The following ZNF630 variants were observed in gnomAD, a reference collection of about 807,000 sequenced individuals.
The protein encoded by ZNF630 is dJ54B20.2 (novel KRAB box containing C2H2 type zinc finger protein).
Under a neutral mutation model 7.2 loss-of-function variants are expected in ZNF630, and 5 were observed. The ratio of observed to expected loss-of-function variants is 0.70; its 90% CI spans 0.36 to 1.46. ZNF630 has a LOEUF of 1.46. Ranked by LOEUF, ZNF630 falls within the 40% of genes most tolerant of loss-of-function variation. The pLI, the probability that ZNF630 is intolerant of heterozygous loss-of-function variation, is 0.03. For missense variants in ZNF630, 461 were observed against 477.0 expected (o/e 0.97, Z 0.31); for synonymous variants, 158 against 162.8 (o/e 0.97, Z 0.23).
At chrX:48,070,911 A>C (rs1327095958) in intron 1 of ZNF630, among the ~76,000 whole-genome samples, 1 of 109,070 alleles carries the variant, frequency 9.2e-6, no homozygotes, top group Non-Finnish European at 1.9e-5. Context: ...CACTGACCCC[A>C]CACACACTCC....
At position 48,058,450 on chromosome X, in the gene ZNF630, G is replaced by A. The variant is rs782080645; in HGVS notation, c.*18C>T. 5.2e-6 allele frequency: 6 copies of A among 1,148,356 alleles called. No individual in the cohort carries two copies. The highest frequency in any genetic ancestry group is 4.3e-5 in the South Asian group (2 of 47,025). The allele number at this position is 1,148,356 out of a possible 1,213,427, so 94.6% of individuals were successfully genotyped here. The stretch of plus-strand genomic sequence containing the variant: ...ATAGACAATGAGGACTGACTTCTGG[G>A]AATAGGCCTTCCCACAATCAGCATA... On this transcript the variant is annotated 3_prime_UTR_variant, in exon 5 of 5. Transcript: ENST00000276054.
chrX:48,070,511 G>T (rs2059155192), intron 1 of ZNF630, among the ~76,000 whole-genome samples: 1 of 107,025 alleles, frequency 9.3e-6, no homozygotes, highest in Non-Finnish European at 1.9e-5. Flanking sequence ...TACTCGGGAG[G>T]CTGAGGTAGG....
chrX:48,060,934 T>A lies in ZNF630; in HGVS notation c.27A>T (p.Thr9=). The change falls in exon 3 of 5, where the codon ACA becomes ACT. Residue 9 remains threonine, a synonymous_variant. Transcript: ENST00000276054. ...TGAAGTCCACAGCCACATCCTCAAA[T>A]GTCACTGGTTCCTATAACAGCACAT... MIESQEPV[T]FEDVAVDFTQ... 2 of 1,202,195 alleles carry A rather than the reference T, an allele frequency of 1.7e-6. No individual in the cohort carries two copies. Among genetic ancestry groups the A allele is most frequent in the Non-Finnish European group, 2.2e-6 (2 of 889,470 alleles).
chrX:48,059,708 C>T lies in ZNF630; in HGVS notation c.734G>A (p.Ser245Asn), dbSNP rs782013612. The T allele has an allele frequency of 2.1e-5, 25 of 1,206,493 alleles. No individual in the cohort carries two copies. Among genetic ancestry groups the T allele is most frequent in the Non-Finnish European group, 2.7e-5 (24 of 892,923 alleles). The change falls in exon 5 of 5, where the codon AGT becomes AAT. Residue 245 changes from serine to asparagine, a missense_variant. Transcript: ENST00000276054. Reference sequence around the variant, plus strand: ...ATACTGAACATGGGCTTGCTTATGACTGAGAACTTTTTCACATTGACTATC... The same window carrying T: ...ATACTGAACATGGGCTTGCTTATGATTGAGAACTTTTTCACATTGACTATC... Reference protein sequence around the residue: ...YGDSQCEKVLSHKQAHVQYKK... With the variant: ...YGDSQCEKVLNHKQAHVQYKK...
chrX:48,069,321 C>A (rs925171599), intron 1 of ZNF630, among the ~76,000 whole-genome samples: 1 of 109,644 alleles, frequency 9.1e-6, no homozygotes, highest in Non-Finnish European at 1.9e-5. Context: ...GGTGATACTG[C>A]CCCCAAGGGG....
Position 48,059,868 on chromosome X carries a change from G to T in ZNF630, c.574C>A (p.Leu192Ile), listed in dbSNP as rs1230780937. The change falls in exon 5 of 5, where the codon CTA (leucine) becomes ATA (isoleucine). Residue 192 changes from leucine to isoleucine, a missense_variant. Coordinates refer to ENST00000276054, the MANE Select transcript of ZNF630 (RefSeq NM_001282201.2). Reference sequence around the variant, plus strand: ...CTTGCATAGCTCCTGTTATAATTTAGTAAGTCTGAATTAGACTTCAAGCTA... The same window carrying T: ...CTTGCATAGCTCCTGTTATAATTTATTAAGTCTGAATTAGACTTCAAGCTA... Reference protein sequence around the residue: ...ENSLKSNSDLLNYNRSYARKN... With the variant: ...ENSLKSNSDLINYNRSYARKN... 6.1e-5 allele frequency: 74 copies of T among 1,206,024 alleles called. 1 individual carries two copies. The highest frequency in any genetic ancestry group is 8.0e-5 in the Non-Finnish European group (71 of 892,769).
chrX:48,069,533 T>G (rs1166896643), intron 1 of ZNF630, among the ~76,000 whole-genome samples: 1 of 111,501 alleles, frequency 9.0e-6, no homozygotes, highest in African/African-American at 3.3e-5. Context: ...CCATGAAATA[T>G]ATACAAAATT....
intron 2 of ZNF630, among the ~76,000 whole-genome samples, chrX:48,061,451 G>A (rs1375948146): frequency 9.0e-6 from 1 of 111,615 alleles, no homozygotes; most frequent in African/African-American, 3.3e-5. Context: ...CAAAGGATAT[G>A]ACTAACTAGG....
At chrX:48,063,421 T>A (rs148906718) in intron 2 of ZNF630, among the ~76,000 whole-genome samples, 1,582 of 110,716 alleles carry the variant, frequency 0.014, 36 homozygotes, top group African/African-American at 0.051. Context: ...GCTTATTTAA[T>A]CCCTATAGAA....
In ZNF630 at chrX:48,059,540, C is replaced by A. The variant is rs1556908676; in HGVS notation, c.902G>T (p.Ser301Ile). The A allele has an allele frequency of 1.7e-6, 2 of 1,207,904 alleles. No individual in the cohort carries two copies. Among genetic ancestry groups the A allele is most frequent in the Admixed American group, 4.4e-5 (2 of 45,923 alleles). The change falls in exon 5 of 5, where the codon AGT (serine) becomes ATT (isoleucine). Residue 301 changes from serine (S) to isoleucine (I), a missense_variant. Coordinates refer to ENST00000276054, the MANE Select transcript of ZNF630 (RefSeq NM_001282201.2). ...YVCGDCRKAF[S>I]EKSHLIVHQR... ...ATGCACAATGAGGTGTGATTTCTCA[C>A]TGAAGGCTTTCCTACAATCTCCACA...
At chrX:48,065,285 TGAGGCCAGGAATTC>T (rs1228348061) in intron 2 of ZNF630, among the ~76,000 whole-genome samples, 1 of 110,103 alleles carries the variant, frequency 9.1e-6, no homozygotes, top group Admixed American at 9.8e-5. Flanking sequence ...GTGGATCACC[TGAGGCCAGGAATTC>T]GAGACCAGCC....
chrX:48,058,474 T>C lies in ZNF630; in HGVS notation c.1968A>G (p.Ile656Met). ...GGAATAGGCCTTCCCACAATCAGCA[T>C]ATATACAAGGTGTCTTTCCTATATG... ...QNPYRKDTLY[I>M]C Residue 656 changes from isoleucine to methionine, a missense_variant, in exon 5 of 5, where the codon ATA becomes ATG. By Grantham distance (10) the Ile-to-Met change is conservative. Transcript: ENST00000276054. 1 of 1,162,754 alleles carries C rather than the reference T, an allele frequency of 8.6e-7. No individual in the cohort carries two copies. Among genetic ancestry groups the C allele is most frequent in the Non-Finnish European group, 1.1e-6 (1 of 872,579 alleles).
In ZNF630 at chrX:48,069,841, GTTTTTTTT is replaced by G. The variant is rs1210374790; in HGVS notation, c.-176+1418_-176+1425del. Among the ~76,000 whole-genome samples, 71 of 41,133 alleles carry G rather than the reference GTTTTTTTT, an allele frequency of 1.7e-3. 1 individual carries two copies. The highest frequency in any genetic ancestry group is 4.2e-3 in the African/African-American group (68 of 16,364). 35.7% of individuals were successfully genotyped at this position (41,133 alleles called of 115,157 possible). A position where few individuals can be genotyped will look rare whatever the true frequency, so the allele number is the denominator to read the frequency against. On this transcript the variant is annotated intron_variant, in intron 1 of 4. Transcript: ENST00000276054. Reference sequence around the variant, plus strand: ...TCCTAAATTCCACAGGACATTGTCTGTTTTTTTTTTTTTTGTTTTTTGTTTTTTGTTTT... The same window carrying G: ...TCCTAAATTCCACAGGACATTGTCTGTTTTTTGTTTTTTGTTTTTTGTTTT...
At position 48,059,422 on chromosome X, in the gene ZNF630, G is replaced by T. The variant is rs1556908622; in HGVS notation, c.1020C>A (p.Val340=). Residue 340 remains valine (V), a synonymous_variant, in exon 5 of 5, where the codon GTC becomes GTA. Coordinates refer to ENST00000276054, the MANE Select transcript of ZNF630 (RefSeq NM_001282201.2). The part of the protein sequence containing the change: ...RKSPFTVHQR[V]HTGEKPYECF... ...ACTCATAGGGTTTCTCTCCAGTATG[G>T]ACTCTCTGATGAACAGTGAAAGGTG... 8.3e-7 allele frequency: 1 copy of T among 1,207,511 alleles called. No homozygotes were observed. Among genetic ancestry groups the T allele is most frequent in the Non-Finnish European group, 1.1e-6 (1 of 893,064 alleles).
chrX:48,066,601 G>A, intron 2 of ZNF630: 1 of 364,449 alleles, frequency 2.7e-6, no homozygotes, highest in Non-Finnish European at 4.8e-6. Context: ...TTGCTAAGGA[G>A]CTGGACTGAT....
intron 2 of ZNF630, among the ~76,000 whole-genome samples, chrX:48,065,476 A>AGGGG (rs1406395767): frequency 1.3e-5 from 1 of 77,409 alleles, no homozygotes; most frequent in African/African-American, 4.6e-5. Flanking sequence ...AGAGAGAGAG[A>AGGGG]GAGGGAGGGA....
chrX:48,067,048 T>A lies in ZNF630; in HGVS notation c.-162A>T. 3.6e-6 allele frequency: 2 copies of A among 558,497 alleles called. No homozygotes were observed. Among genetic ancestry groups the A allele is most frequent in the Non-Finnish European group, 5.8e-6 (2 of 341,915 alleles). 46.0% of individuals were successfully genotyped at this position (558,497 alleles called of 1,213,427 possible). ...TCTCATCTGACTCGGTAATTCCATT[T>A]CCGGAACTTCGTCCTAAGGTAATAA... is the stretch of plus-strand genomic sequence containing the variant. On this transcript the variant is annotated 5_prime_UTR_variant, in exon 2 of 5. Coordinates refer to ENST00000276054, the MANE Select transcript of ZNF630 (RefSeq NM_001282201.2).
In ZNF630 at chrX:48,067,077, T is replaced by G. The variant is rs1556910202; in HGVS notation, c.-175-16A>C. On this transcript the variant is annotated splice_polypyrimidine_tract_variant and intron_variant, in intron 1 of 4. Transcript: ENST00000276054. ...GAACTTCGTCCTAAGGTAATAATCA[T>G]GGATATGTGCAGATATTTAACCACA... 8.7e-6 allele frequency: 4 copies of G among 461,571 alleles called. No homozygotes were observed. The highest frequency in any genetic ancestry group is 2.4e-5 in the African/African-American group (1 of 41,005). 38.0% of individuals were successfully genotyped at this position (461,571 alleles called of 1,213,427 possible).
rs782212589 is a variant in ZNF630, at chrX:48,059,725, T to C, written c.717A>G (p.Gln239=). 6 of 1,206,809 alleles carry C rather than the reference T, an allele frequency of 5.0e-6. No individual in the cohort carries two copies. The South Asian group carries it at 8.8e-5, about 18-fold the overall frequency. The change falls in exon 5 of 5, where the codon CAA becomes CAG. Residue 239 remains glutamine (Q), a synonymous_variant. Coordinates refer to ENST00000276054, the MANE Select transcript of ZNF630 (RefSeq NM_001282201.2). ...GCTTATGACTGAGAACTTTTTCACATTGACTATCTCCATAGGGCTCCATTC... is the reference window on the plus strand; with the variant it reads ...GCTTATGACTGAGAACTTTTTCACACTGACTATCTCCATAGGGCTCCATTC... ...HTGMEPYGDS[Q]CEKVLSHKQA...
Sources: allele counts gnomAD v4.1 joint callset (sites outside exome capture counted in the v4.1 genomes callset), GRCh38; gene constraint gnomAD v4.1.1; transcripts MANE v1.5; gene names NCBI Gene and HGNC (gene_info 2026-07-23, HGNC 2026-07-21).